Variants in HELQ observed in about 807,000 individuals in gnomAD.
The protein encoded by HELQ is helicase POLQ-like.
In HELQ, 77 loss-of-function variants were observed where a neutral mutation model predicts 111.6. The ratio of observed to expected loss-of-function variants is 0.69; its 90% CI spans 0.57 to 0.83. The LOEUF (loss-of-function observed/expected upper bound fraction) is 0.83, where lower values mean the gene tolerates loss of function less well. Ranked by LOEUF, HELQ falls within the 40% of genes least tolerant of loss-of-function variation. The pLI, the probability that HELQ is intolerant of heterozygous loss-of-function variation, is 0.00. For missense variants in HELQ, 1,200 were observed against 1,288.5 expected, an observed-to-expected ratio of 0.93 and a Z score of 1.05; for synonymous variants, 438 against 454.7, an observed-to-expected ratio of 0.96 and a Z score of 0.47.
At chr4:83,434,422 T>C (rs1393562027) in intron 9 of HELQ, among the ~76,000 whole-genome samples, 3 of 151,848 alleles carry the variant, frequency 2.0e-5, no homozygotes, top group Non-Finnish European at 4.4e-5. Flanking sequence ...TGAATGAAAA[T>C]AGTTAATGGA....
chr4:83,428,596 C>T (rs1719969241), intron 12 of HELQ, among the ~76,000 whole-genome samples: 2 of 151,902 alleles, frequency 1.3e-5, no homozygotes, highest in African/African-American at 4.8e-5. Context: ...AAAACAACCC[C>T]CACAACACTT....
intron 17 of HELQ, among the ~76,000 whole-genome samples, chr4:83,415,931 GC>G (rs1739330769): frequency 6.8e-6 from 1 of 147,140 alleles, no homozygotes; most frequent in South Asian, 2.1e-4. Flanking sequence ...ATAGGTGTGA[GC>G]CACCGAACCC....
In HELQ at chr4:83,416,760, G is replaced by T. The variant is rs138699885; in HGVS notation, c.3169C>A (p.Gln1057Lys). Residue 1057 changes from glutamine (Q) to lysine (K), a missense_variant, in exon 17 of 18, where the codon CAA (glutamine) becomes AAA (lysine). By Grantham distance (53) the Gln-to-Lys change is moderately conservative. This residue lies in a region of HELQ where 585 missense variants were observed against 665.3 expected (regional missense o/e 0.88). Transcript: ENST00000295488. ...GCTGATGAAACAATTTGCTTGGCTT[G>T]GCGTCTTGATAAATGATCAATTGTC... The part of the protein sequence containing the change: ...VRTIDHLSRR[Q>K]AKQIVSSAKM... 18 of 1,612,778 alleles carry T rather than the reference G, an allele frequency of 1.1e-5. No individual in the cohort carries two copies. Among genetic ancestry groups the T allele is most frequent in the Non-Finnish European group, 1.4e-5 (17 of 1,179,766 alleles).
chr4:83,448,145 G>A (rs191923407), intron 3 of HELQ, among the ~76,000 whole-genome samples: 1 of 152,190 alleles, frequency 6.6e-6, no homozygotes, highest in African/African-American at 2.4e-5. Context: ...AAGAGGCGGA[G>A]GTTGCAGTGA....
intron 9 of HELQ, among the ~76,000 whole-genome samples, chr4:83,433,774 T>C (rs929389661): frequency 1.4e-5 from 2 of 147,340 alleles, no homozygotes; most frequent in South Asian, 2.2e-4. Flanking sequence ...ACGAGGTCAA[T>C]AGATTAAGAC....
intron 9 of HELQ, among the ~76,000 whole-genome samples, chr4:83,435,575 T>TA (rs10711036): frequency 6.5e-4 from 92 of 140,966 alleles, no homozygotes; most frequent in Admixed American, 7.8e-4. Flanking sequence ...AAGGCAAAAT[T>TA]AAAAAAAAAA....
intron 9 of HELQ, among the ~76,000 whole-genome samples, chr4:83,433,438 G>T (rs975194105): frequency 1.3e-5 from 2 of 151,962 alleles, no homozygotes; most frequent in Admixed American, 6.5e-5. Flanking sequence ...GAGGCTGAGG[G>T]GGGCGGATCA....
chr4:83,442,076 T>C (rs1201713189), intron 6 of HELQ, among the ~76,000 whole-genome samples: 1 of 152,058 alleles, frequency 6.6e-6, no homozygotes, highest in Non-Finnish European at 1.5e-5. Context: ...AAACTTTCTG[T>C]CTTATTATTC....
At chr4:83,446,233 A>G in intron 4 of HELQ, 147 bp from the exon 5 acceptor site, 1 of 590,456 alleles carries the variant, frequency 1.7e-6, no homozygotes. Flanking sequence ...ATACATGTAT[A>G]TTATTTCACT....
In HELQ at chr4:83,453,357, A is replaced by G. The variant is rs1560561514; in HGVS notation, c.886T>C (p.Ser296Pro). 6.2e-7 allele frequency: 1 copy of G among 1,612,892 alleles called. No homozygotes were observed. Among genetic ancestry groups the G allele is most frequent in the Non-Finnish European group, 8.5e-7 (1 of 1,179,680 alleles). ...RSKQLKDTLLSEEINVAKKTV... is the reference protein window; with the variant it reads ...RSKQLKDTLLPEEINVAKKTV... ...TTCTTAGCAACATTAATTTCCTCAG[A>G]TAGGAGAGTGTCTTTGAGCTGTTTA... is the stretch of plus-strand genomic sequence containing the variant. The change falls in exon 2 of 18, where the codon TCT becomes CCT. Residue 296 changes from serine (S) to proline (P), a missense_variant. Physicochemically the swap from Ser to Pro is moderately conservative, Grantham distance 74. Coordinates refer to ENST00000295488, the MANE Select transcript of HELQ (RefSeq NM_133636.5).
At chr4:83,429,021 C>G (rs1344022547) in intron 12 of HELQ, among the ~76,000 whole-genome samples, 2 of 151,800 alleles carry the variant, frequency 1.3e-5, no homozygotes, top group African/African-American at 4.9e-5. Context: ...TCTCTATATA[C>G]TTCTGCAGTA....
At position 83,440,232 on chromosome 4, in the gene HELQ, TA is replaced by T. The variant is rs960497706; in HGVS notation, c.1663-225del. Reference sequence around the variant, plus strand: ...ATGATTTTCTTAGGTCTAGTTAGTCTAAAAAAAAACCTAGAATTAAACAAGT... The same window carrying T: ...ATGATTTTCTTAGGTCTAGTTAGTCTAAAAAAAACCTAGAATTAAACAAGT... On this transcript the variant is annotated intron_variant, in intron 7 of 17. Transcript: ENST00000295488. Among the ~76,000 whole-genome samples the T allele has an allele frequency of 4.0e-4, 61 of 151,176 alleles. 1 individual carries two copies. The highest frequency in any genetic ancestry group is 1.3e-3 in the African/African-American group (55 of 41,168).
intron 1 of HELQ, among the ~76,000 whole-genome samples, chr4:83,454,237 C>T (rs1721595980): frequency 6.6e-6 from 1 of 152,018 alleles, no homozygotes; most frequent in African/African-American, 2.4e-5. Context: ...ACAAAACCCC[C>T]AAAAAACACT....
At chr4:83,434,649 A>G (rs1321227309) in intron 9 of HELQ, among the ~76,000 whole-genome samples, 1 of 152,020 alleles carries the variant, frequency 6.6e-6, no homozygotes, top group Non-Finnish European at 1.5e-5. Context: ...TTTTTAGTAG[A>G]GATGAGGTCT....
In HELQ at chr4:83,407,476, C is replaced by A; in HGVS notation, c.3283G>T (p.Ala1095Ser). 1 of 1,606,080 alleles carries A rather than the reference C, an allele frequency of 6.2e-7. No individual in the cohort carries two copies. The highest frequency in any genetic ancestry group is 8.5e-7 in the Non-Finnish European group (1 of 1,176,984). Residue 1095 changes from alanine to serine, a missense_variant, in exon 18 of 18, where the codon GCT becomes TCT. Around this residue, in one of 3 missense-constraint regions of HELQ, gnomAD observed 585 missense variants for 665.3 expected, o/e 0.88. Transcript: ENST00000295488. ...RLPSDFPGAV[A>S]SSTDKA is the part of the protein sequence containing the mutation. ...CTTCATGCTTTGTCAGTGGAAGAAG[C>A]CACAGCACCAGGGAAATCAGAAGGC...
chr4:83,441,759 T>C (rs1720767873), intron 6 of HELQ, among the ~76,000 whole-genome samples: 1 of 150,002 alleles, frequency 6.7e-6, no homozygotes, highest in South Asian at 2.1e-4. Flanking sequence ...TCTCAAGATC[T>C]AAAACTTTGT....
intron 17 of HELQ, among the ~76,000 whole-genome samples, chr4:83,416,087 T>C (rs1308634236): frequency 3.3e-5 from 5 of 150,462 alleles, no homozygotes; most frequent in African/African-American, 9.8e-5. Flanking sequence ...GCTGGGATTA[T>C]AGGCGTGTGC....
intron 15 of HELQ, among the ~76,000 whole-genome samples, chr4:83,420,870 C>CA (rs1196677172): frequency 1.3e-5 from 2 of 151,710 alleles, no homozygotes; most frequent in Non-Finnish European, 2.9e-5. Context: ...CTCTGGAGGT[C>CA]AAAGCTGCAG....
chr4:83,434,037 T>C (rs1720311076), intron 9 of HELQ, among the ~76,000 whole-genome samples: 1 of 151,314 alleles, frequency 6.6e-6, no homozygotes. Context: ...AAGAGAGTTC[T>C]TAGAAATAAA....
Sources: gnomAD v4.1 joint callset for allele counts (sites outside exome capture counted in the v4.1 genomes callset) on GRCh38, gnomAD v4.1.1 for gene constraint, gnomAD v4.1.1 regional missense constraint, MANE v1.5 for transcripts, NCBI Gene and HGNC (gene_info 2026-07-23, HGNC 2026-07-21) for gene names.